The following ZHX1 variants were observed in gnomAD, a reference collection of about 807,000 sequenced individuals.
The protein encoded by ZHX1 is zinc fingers and homeoboxes protein 1.
A neutral mutation model predicts 61.8 loss-of-function variants in ZHX1; 20 were observed. That is an observed-to-expected ratio of 0.32 (90% confidence interval 0.23 to 0.47). The LOEUF (loss-of-function observed/expected upper bound fraction) is 0.47, where lower values mean the gene tolerates loss of function less well. Among genes scored for constraint, ZHX1 ranks in the 20% least tolerant of loss-of-function variants. The probability of loss-of-function intolerance (pLI) is 1.00; values close to 1 mark genes in which losing one functional copy is unlikely to be tolerated. For missense variants in ZHX1, 800 were observed against 1,034.8 expected (o/e 0.77, Z 3.11); for synonymous variants, 318 against 352.6 (o/e 0.90, Z 1.10).
rs1399792171 is a variant in ZHX1, at chr8:123,253,916, A to G, written c.2031T>C (p.Ser677=). ...KTPEQLHMLK[S]AFVRTQWPSP... ...ATGGCCACTGTGTCCGGACAAATGC[A>G]CTCTTAAGCATGTGCAGCTGCTCAG... The change falls in exon 3 of 4, where the codon AGT becomes AGC. Residue 677 remains serine, a synonymous_variant. Transcript: ENST00000395571. 2 of 1,613,982 alleles carry G rather than the reference A, an allele frequency of 1.2e-6. No homozygotes were observed. Among genetic ancestry groups the G allele is most frequent in the Admixed American group, 1.7e-5 (1 of 59,996 alleles).
At chr8:123,272,857 TCTGCTATCACATTAAC>T (rs367556678) in intron 1 of ZHX1, among the ~76,000 whole-genome samples, 8 of 152,370 alleles carry the variant, frequency 5.3e-5, no homozygotes, top group African/African-American at 1.9e-4. Flanking sequence ...TTTTCCTTTT[TCTGCTATCACATTAAC>T]CTCCAAGAGA....
intron 3 of ZHX1, chr8:123,252,447 T>C (rs1825945439): frequency 6.6e-6 from 1 of 152,210 alleles, no homozygotes; most frequent in South Asian, 2.1e-4. Context: ...TTAAGCCATA[T>C]TTATTTGCAT....
intron 1 of ZHX1, among the ~76,000 whole-genome samples, chr8:123,273,060 C>CT (rs1397824667): frequency 2.0e-5 from 3 of 151,712 alleles, no homozygotes. Flanking sequence ...CTGTATTCCT[C>CT]TTTTCTCATC....
At chr8:123,269,110 C>T (rs376066146) in intron 1 of ZHX1, among the ~76,000 whole-genome samples, 12 of 152,228 alleles carry the variant, frequency 7.9e-5, no homozygotes, top group African/African-American at 2.4e-4. Flanking sequence ...CTCCTTGTTC[C>T]GCCACTCGTT....
chr8:123,252,733 CTGAG>C (rs1361638246), intron 3 of ZHX1: 1 of 152,006 alleles, frequency 6.6e-6, no homozygotes, highest in African/African-American at 2.4e-5. Flanking sequence ...TAAAAAGATA[CTGAG>C]TAATTTCATA....
Position 123,254,898 on chromosome 8 carries a change from T to G in ZHX1, c.1049A>C (p.Glu350Ala). The change falls in exon 3 of 4, where the codon GAG (glutamate) becomes GCG (alanine). Residue 350 changes from glutamate to alanine, a missense_variant. Coordinates refer to ENST00000395571, the MANE Select transcript of ZHX1 (RefSeq NM_007222.5). This position sits in a 1 kb window ranked among gnomAD's most constrained non-coding sequence, Gnocchi z 4.1. ...GVSWTPEEVE[E>A]ARRKQFNGTV... ...TCCATTGAATTGTTTCCTTCTTGCC[T>G]CCTCTACTTCCTCGGGAGTCCAACT... is the stretch of plus-strand genomic sequence containing the variant. The G allele has an allele frequency of 1.4e-5, 23 of 1,614,232 alleles. No homozygotes were observed. The highest frequency in any genetic ancestry group is 1.9e-5 in the Non-Finnish European group (23 of 1,180,036).
At chr8:123,266,030 G>T (rs894173046) in intron 2 of ZHX1, among the ~76,000 whole-genome samples, 1 of 152,140 alleles carries the variant, frequency 6.6e-6, no homozygotes, top group African/African-American at 2.4e-5. Flanking sequence ...GGAGTGAAAT[G>T]TCTTTTTGAA....
At position 123,253,469 on chromosome 8, in the gene ZHX1, T is replaced by C. The variant is rs1586821553; in HGVS notation, c.2478A>G (p.Glu826=). 1 of 1,614,060 alleles carries C rather than the reference T, an allele frequency of 6.2e-7. No homozygotes were observed. The highest frequency in any genetic ancestry group is 8.5e-7 in the Non-Finnish European group (1 of 1,180,026). ...TTTCCTCAAATAATTCTATACCTAA[T>C]TCTGATCTTCTCTGTCTTTCTGCAA... ...EWFAERQRRS[E]LGIELFEENE... The change falls in exon 3 of 4, where the codon GAA becomes GAG. Residue 826 remains glutamate (E), a synonymous_variant. Coordinates refer to ENST00000395571, the MANE Select transcript of ZHX1 (RefSeq NM_007222.5).
At chr8:123,251,386 A>T (rs1825914647) in intron 3 of ZHX1, among the ~76,000 whole-genome samples, 2 of 152,248 alleles carry the variant, frequency 1.3e-5, no homozygotes, top group South Asian at 2.1e-4. Context: ...AATACAGTGC[A>T]TGTATAGCAT....
chr8:123,250,310 G>A lies in ZHX1; in HGVS notation c.*14C>T, dbSNP rs933520521. 1.8e-5 allele frequency: 7 copies of A among 394,352 alleles called. No homozygotes were observed. The highest frequency in any genetic ancestry group is 3.3e-5 in the Admixed American group (1 of 30,486). The allele number at this position is 394,352 out of a possible 1,614,324, so 24.4% of individuals were successfully genotyped here. A position where few individuals can be genotyped will look rare whatever the true frequency, so the allele number is the denominator to read the frequency against. Reference sequence around the variant, plus strand: ...GTTGAAGAATTGATTCTCCTTCAACGTTTTAGGCAGCTAAAAAAGAAAAAC... The same window carrying A: ...GTTGAAGAATTGATTCTCCTTCAACATTTTAGGCAGCTAAAAAAGAAAAAC... On this transcript the variant is annotated 3_prime_UTR_variant, in exon 4 of 4. Transcript: ENST00000395571.
At chr8:123,266,494 T>A (rs539482667) in intron 2 of ZHX1, among the ~76,000 whole-genome samples, 11 of 152,332 alleles carry the variant, frequency 7.2e-5, no homozygotes, top group African/African-American at 2.4e-4. Context: ...AACTGCCACA[T>A]TAATGTTTAT....
rs372861583 is a variant in ZHX1 at position 123,248,648 on chromosome 8, C to CA, written c.*1675dup. The stretch of plus-strand genomic sequence containing the variant: ...CAGAGTTAACATATTGCAAGGGAAA[C>CA]AACTATATTCAAAGGCTTCATTTCT... On this transcript the variant is annotated 3_prime_UTR_variant, in exon 4 of 4. Coordinates refer to ENST00000395571, the MANE Select transcript of ZHX1 (RefSeq NM_007222.5). 8 of 152,496 alleles carry CA rather than the reference C, an allele frequency of 5.2e-5. No individual in the cohort carries two copies. The highest frequency in any genetic ancestry group is 1.9e-4 in the African/African-American group (8 of 41,506). 9.4% of individuals were successfully genotyped at this position (152,496 alleles called of 1,614,324 possible). A position where few individuals can be genotyped will look rare whatever the true frequency, so the allele number is the denominator to read the frequency against.
chr8:123,260,954 G>A (rs535233668), intron 2 of ZHX1, among the ~76,000 whole-genome samples: 21 of 152,238 alleles, frequency 1.4e-4, no homozygotes, highest in Non-Finnish European at 3.1e-4. Flanking sequence ...TCCGGGAGGT[G>A]GAGGATGCAG....
At chr8:123,275,093 G>A (rs1826802432), upstream of ZHX1, among the ~76,000 whole-genome samples, 1 of 152,298 alleles carries the variant, frequency 6.6e-6, no homozygotes. Flanking sequence ...AGGCGGAGCC[G>A]CCCTCTGCCC....
chr8:123,268,531 C>T (rs1826540391), intron 1 of ZHX1, among the ~76,000 whole-genome samples: 1 of 151,788 alleles, frequency 6.6e-6, no homozygotes, highest in African/African-American at 2.4e-5. Flanking sequence ...CTCACTGTGT[C>T]GCCCAGCTGG....
At chr8:123,271,210 G>C (rs1203641968) in intron 1 of ZHX1, among the ~76,000 whole-genome samples, 1 of 152,118 alleles carries the variant, frequency 6.6e-6, no homozygotes, top group African/African-American at 2.4e-5. Flanking sequence ...GATAGTATCA[G>C]TTTTAAAAAC....
rs115644451 is a variant in ZHX1 at position 123,252,116 on chromosome 8, T to C, written c.*3+1206A>G. On this transcript the variant is annotated intron_variant, in intron 3 of 3. Transcript: ENST00000395571. ...AGCATGCTCACGTATAAAATAATAATGAGGGTCTACGTCTCATTTCCTTCC... is the reference window on the plus strand; with the variant it reads ...AGCATGCTCACGTATAAAATAATAACGAGGGTCTACGTCTCATTTCCTTCC... Among the ~76,000 whole-genome samples, 1,161 of 152,244 alleles carry C rather than the reference T, an allele frequency of 7.6e-3. 15 individuals carry two copies. Among genetic ancestry groups the C allele is most frequent in the African/African-American group, 0.025 (1,031 of 41,536 alleles).
At chr8:123,269,799 A>G (rs190610743) in intron 1 of ZHX1, among the ~76,000 whole-genome samples, 172 of 152,360 alleles carry the variant, frequency 1.1e-3, no homozygotes, top group African/African-American at 4.0e-3. Context: ...AATGTTAGCA[A>G]AGAAATCTTT....
chr8:123,270,656 CAT>C (rs1784310637), intron 1 of ZHX1, among the ~76,000 whole-genome samples: 1 of 151,406 alleles, frequency 6.6e-6, no homozygotes, highest in South Asian at 2.1e-4. Context: ...GTGGGTGACA[CAT>C]GACTGTAGTC....
Sources: gnomAD v4.1 joint callset for allele counts (sites outside exome capture counted in the v4.1 genomes callset) on GRCh38, gnomAD v4.1.1 for gene constraint, Gnocchi (gnomAD v3.1) non-coding constraint, MANE v1.5 for transcripts, NCBI Gene and HGNC (gene_info 2026-07-23, HGNC 2026-07-21) for gene names.